The following KAT6B variants were observed in gnomAD, a reference collection of about 807,000 sequenced individuals.
The protein encoded by KAT6B is histone acetyltransferase KAT6B.
A neutral mutation model predicts 187.5 loss-of-function variants in KAT6B; 10 were observed. The ratio of observed to expected loss-of-function variants is 0.05; its 90% CI spans 0.03 to 0.09. KAT6B has a LOEUF of 0.09. KAT6B is among the 10% of genes least tolerant of loss of function. The pLI is 1.00. For missense variants in KAT6B, 1,952 were observed against 2,558.9 expected (o/e 0.76, Z 5.12); for synonymous variants, 861 against 926.8 (o/e 0.93, Z 1.29).
intron 3 of KAT6B, among the ~76,000 whole-genome samples, chr10:74,911,156 A>G (rs1404164114): frequency 6.6e-6 from 1 of 152,190 alleles, no homozygotes; most frequent in Non-Finnish European, 1.5e-5. Flanking sequence ...TTGTGCTCCT[A>G]GATGACAGCA....
rs924532501 is a variant in KAT6B at position 75,030,078 on chromosome 10, C to G, written c.5254C>G (p.Gln1752Glu). ...SPPTCSVKSP[Q>E]GCVVERPPSS... ...TCCGACCTGCAGCGTCAAGTCTCCT[C>G]AAGGCTGTGTGGTGGAGAGGCCTCC... The change falls in exon 18 of 18, where the codon CAA (glutamine) becomes GAA (glutamate). Residue 1752 changes from glutamine (Q) to glutamate (E), a missense_variant. Physicochemically the swap from Gln to Glu is conservative, Grantham distance 29 (BLOSUM62 2). Coordinates refer to ENST00000287239, the MANE Select transcript of KAT6B (RefSeq NM_012330.4). The surrounding 1 kb of genome is among the most constrained non-coding windows in gnomAD (Gnocchi z 4.8). 1.2e-6 allele frequency: 2 copies of G among 1,614,226 alleles called. No individual in the cohort carries two copies. The highest frequency in any genetic ancestry group is 1.7e-6 in the Non-Finnish European group (2 of 1,180,046).
intron 6 of KAT6B, among the ~76,000 whole-genome samples, chr10:74,971,450 T>C (rs1841841065): frequency 1.3e-5 from 2 of 152,172 alleles, no homozygotes; most frequent in South Asian, 4.1e-4. Flanking sequence ...TCATACAGTA[T>C]CTTAGATTTG....
chr10:75,022,744 A>G (rs533460306), intron 16 of KAT6B, among the ~76,000 whole-genome samples: 1 of 152,318 alleles, frequency 6.6e-6, no homozygotes, highest in East Asian at 1.9e-4. Context: ...CAGCCTGGCT[A>G]ACGTGGTGAA....
At chr10:74,938,654 G>A (rs1289612073) in intron 3 of KAT6B, among the ~76,000 whole-genome samples, 1 of 152,138 alleles carries the variant, frequency 6.6e-6, no homozygotes, top group African/African-American at 2.4e-5. Context: ...AAATTTCCAT[G>A]CCCTTGTAAT....
intron 3 of KAT6B, among the ~76,000 whole-genome samples, chr10:74,945,662 C>T (rs952808042): frequency 3.3e-5 from 5 of 152,100 alleles, no homozygotes; most frequent in African/African-American, 7.2e-5. Context: ...GTTTATCAGG[C>T]TGGTCTCCAA....
Position 74,979,239 on chromosome 10 carries a change from A to C in KAT6B, c.2131A>C (p.Ser711Arg). Residue 711 changes from serine to arginine, a missense_variant, in exon 10 of 18, where the codon AGT becomes CGT. Ser to Arg is a moderately radical substitution (Grantham distance 110). Around this residue, in one of 9 missense-constraint regions of KAT6B, gnomAD observed 417 missense variants for 508.9 expected, o/e 0.82. Transcript: ENST00000287239. ...ELSWEKIECE[S>R]GVEDCGRYPS... ...TATTTGACAGAAAATAGAGTGTGAGAGTGGGGTGGAAGACTGTGGCCGGTA... is the reference window on the plus strand; with the variant it reads ...TATTTGACAGAAAATAGAGTGTGAGCGTGGGGTGGAAGACTGTGGCCGGTA... 1 of 1,611,650 alleles carries C rather than the reference A, an allele frequency of 6.2e-7. No homozygotes were observed. The highest frequency in any genetic ancestry group is 8.5e-7 in the Non-Finnish European group (1 of 1,177,818).
At chr10:74,938,872 G>C (rs1481665783) in intron 3 of KAT6B, among the ~76,000 whole-genome samples, 1 of 152,050 alleles carries the variant, frequency 6.6e-6, no homozygotes, top group Non-Finnish European at 1.5e-5. Flanking sequence ...GAGTAGCTGA[G>C]ATTACAGGTG....
chr10:74,867,221 C>A (rs917977522), intron 3 of KAT6B, among the ~76,000 whole-genome samples: 27 of 152,128 alleles, frequency 1.8e-4, no homozygotes, highest in African/African-American at 6.5e-4. Context: ...ACTCTCGAAG[C>A]ATAATAAAGC....
At chr10:75,002,201 A>G (rs1255323000) in intron 13 of KAT6B, among the ~76,000 whole-genome samples, 1 of 152,022 alleles carries the variant, frequency 6.6e-6, no homozygotes, top group African/African-American at 2.4e-5. Flanking sequence ...ATCATGAAGC[A>G]CTCACTTGAA....
intron 3 of KAT6B, among the ~76,000 whole-genome samples, chr10:74,935,280 CAT>C (rs10560655): frequency 0.98 from 149,189 of 152,134 alleles, 73,245 homozygotes; most frequent in East Asian, 1. Context: ...CATACACACA[CAT>C]ATATATATAT....
chr10:75,028,796 C>T lies in KAT6B; in HGVS notation c.3972C>T (p.Asn1324=), dbSNP rs573655531. The change falls in exon 18 of 18, where the codon AAC becomes AAT. Residue 1324 remains asparagine, a synonymous_variant. Coordinates refer to ENST00000287239, the MANE Select transcript of KAT6B (RefSeq NM_012330.4). ...AAGCCCTGTTGCCTCAAGAGGAAAA[C>T]AGAAGGGAAGAAACATGTGCCCCTG... ...TGEALLPQEE[N]RREETCAPVS... is the part of the protein sequence containing the mutation. The T allele has an allele frequency of 8.7e-6, 14 of 1,613,948 alleles. No individual in the cohort carries two copies. The South Asian group carries it at 1.5e-4, about 18-fold the overall frequency.
In KAT6B at chr10:74,979,264, AC is replaced by A. The variant is rs1842359840; in HGVS notation, c.2159del (p.Pro720LeufsTer3). ...CESGVEDCGR[Y>X]PSVIEFGKYE... Reference sequence around the variant, plus strand: ...AGTGGGGTGGAAGACTGTGGCCGGTACCCTTCTGTGATTGAATTTGGTAAAT... The same window carrying A: ...AGTGGGGTGGAAGACTGTGGCCGGTACCTTCTGTGATTGAATTTGGTAAAT... On this transcript the variant is annotated frameshift_variant, in exon 10 of 18. Transcript: ENST00000287239. LOFTEE classifies it high-confidence loss of function. 2 of 1,613,808 alleles carry A rather than the reference AC, an allele frequency of 1.2e-6. No individual in the cohort carries two copies. The highest frequency in any genetic ancestry group is 2.7e-5 in the African/African-American group (2 of 74,866).
chr10:74,918,531 C>T (rs1351574766), intron 3 of KAT6B, among the ~76,000 whole-genome samples: 1 of 152,188 alleles, frequency 6.6e-6, no homozygotes, highest in Non-Finnish European at 1.5e-5. Flanking sequence ...AACCTAAGGT[C>T]AGGAGTTCAG....
intron 3 of KAT6B, among the ~76,000 whole-genome samples, chr10:74,880,449 A>T (rs1319643598): frequency 3.3e-5 from 5 of 152,200 alleles, no homozygotes; most frequent in Admixed American, 2.6e-4. Context: ...CTTTGTATGG[A>T]TATACCACAT....
At chr10:74,914,571 C>CA (rs1847514413) in intron 3 of KAT6B, among the ~76,000 whole-genome samples, 1 of 152,118 alleles carries the variant, frequency 6.6e-6, no homozygotes, top group Admixed American at 6.6e-5. Flanking sequence ...GGACGTCAGC[C>CA]AAAATTGGCA....
At chr10:74,991,359 G>C (rs888013971) in intron 13 of KAT6B, among the ~76,000 whole-genome samples, 1 of 152,210 alleles carries the variant, frequency 6.6e-6, no homozygotes, top group Non-Finnish European at 1.5e-5. Context: ...CTAGGTAAAA[G>C]TTCAAGCTCT....
intron 4 of KAT6B, among the ~76,000 whole-genome samples, chr10:74,964,000 C>T (rs1022069147): frequency 7.2e-5 from 11 of 152,034 alleles, no homozygotes; most frequent in Middle Eastern, 6.8e-3. Context: ...GGCATGGTAG[C>T]GCATCCTGTA....
chr10:74,955,407 T>TGGAAAAGTTGTAAAGATGA, intron 3 of KAT6B, among the ~76,000 whole-genome samples: 1 of 141,100 alleles, frequency 7.1e-6, no homozygotes, highest in Non-Finnish European at 1.5e-5. Flanking sequence ...ACTTTTTGTT[T>TGGAAAAGTTGTAAAGATGA]GGAAAAGTTG....
rs578120135 is a variant in KAT6B at position 74,880,329 on chromosome 10, T to G, written c.621+36851T>G. ...CATATAAATGGAATCCTATGGTATG[T>G]GGCCTTTTTTAAAAATCACTGGCTT... On this transcript the variant is annotated intron_variant, in intron 3 of 17. Coordinates refer to ENST00000287239, the MANE Select transcript of KAT6B (RefSeq NM_012330.4). Among the ~76,000 whole-genome samples, 3 of 152,364 alleles carry G rather than the reference T, an allele frequency of 2.0e-5. No individual in the cohort carries two copies. In the East Asian group the frequency reaches 5.8e-4, roughly 29 times the overall value.
Sources: gnomAD v4.1 joint callset for allele counts (sites outside exome capture counted in the v4.1 genomes callset) on GRCh38, gnomAD v4.1.1 for gene constraint, gnomAD v4.1.1 regional missense constraint, Gnocchi (gnomAD v3.1) non-coding constraint, MANE v1.5 for transcripts, NCBI Gene and HGNC (gene_info 2026-07-23, HGNC 2026-07-21) for gene names.